GALNT13: variants seen among roughly 807,000 people sequenced by gnomAD.
GALNT13 encodes UDP-GalNAc:polypeptide N-acetylgalactosaminyltransferase 13.
GALNT13 carries 28 observed loss-of-function variants against 64.2 expected under a neutral mutation model. That is an observed-to-expected ratio of 0.44 (90% CI 0.32 to 0.60). The LOEUF (loss-of-function observed/expected upper bound fraction) is 0.60, where lower values mean the gene tolerates loss of function less well. GALNT13 is among the 20% of genes least tolerant of loss of function. The probability of loss-of-function intolerance (pLI) is 0.05; values close to 1 mark genes in which losing one functional copy is unlikely to be tolerated. For missense variants in GALNT13, 577 were observed against 669.8 expected, an observed-to-expected ratio of 0.86 and a Z score of 1.53; for synonymous variants, 214 against 224.6, an observed-to-expected ratio of 0.95 and a Z score of 0.42.
At chr2:153,589,784 G>A in the GALNT13 span, among the ~76,000 whole-genome samples, 5 of 152,100 alleles carry the variant, frequency 3.3e-5, no homozygotes, top group African/African-American at 9.7e-5. Flanking sequence ...AGAACAGCAC[G>A]GGAAAGATTT....
chr2:154,112,694 C>T (rs1703055456), intron 3 of GALNT13, among the ~76,000 whole-genome samples: 1 of 152,228 alleles, frequency 6.6e-6, no homozygotes, highest in Non-Finnish European at 1.5e-5. Context: ...GAAGATTTCC[C>T]TTCACCACTG....
intron 3 of GALNT13, among the ~76,000 whole-genome samples, chr2:153,983,809 C>T (rs768960706): frequency 6.6e-6 from 1 of 151,866 alleles, no homozygotes; most frequent in South Asian, 2.1e-4. Flanking sequence ...TCATTCTGTG[C>T]CCTTTGTATT....
chr2:153,582,112 C>A, the GALNT13 span, among the ~76,000 whole-genome samples: 2 of 152,036 alleles, frequency 1.3e-5, no homozygotes, highest in African/African-American at 4.8e-5. Context: ...TGAATATCCG[C>A]AAAAATGCTT....
At chr2:153,176,314 G>A in the GALNT13 span, among the ~76,000 whole-genome samples, 30 of 152,072 alleles carry the variant, frequency 2.0e-4, no homozygotes, top group Admixed American at 1.5e-3. Flanking sequence ...TCCAATGTAC[G>A]TATATACACA....
chr2:153,623,693 T>C, the GALNT13 span, among the ~76,000 whole-genome samples: 1 of 151,994 alleles, frequency 6.6e-6, no homozygotes, highest in Non-Finnish European at 1.5e-5. Context: ...TTCAGTTTAT[T>C]TAAAATTTTT....
chr2:153,345,854 G>A, the GALNT13 span, among the ~76,000 whole-genome samples: 3 of 150,860 alleles, frequency 2.0e-5, no homozygotes, highest in African/African-American at 7.3e-5. Flanking sequence ...GGAGTGCAGC[G>A]GCACAATCAC....
At chr2:154,411,671 G>A (rs749772514) in intron 11 of GALNT13, among the ~76,000 whole-genome samples, 3 of 151,660 alleles carry the variant, frequency 2.0e-5, no homozygotes, top group Non-Finnish European at 3.0e-5. Context: ...GATTGTATCT[G>A]GCGAGTGGAT....
At chr2:154,357,878 T>A (rs1314775966) in intron 9 of GALNT13, among the ~76,000 whole-genome samples, 2 of 152,056 alleles carry the variant, frequency 1.3e-5, no homozygotes, top group Non-Finnish European at 2.9e-5. Context: ...GCCTACTAAT[T>A]AAATGACTAA....
At chr2:153,238,586 CTG>C in the GALNT13 span, among the ~76,000 whole-genome samples, 3 of 139,780 alleles carry the variant, frequency 2.1e-5, no homozygotes, top group Admixed American at 7.2e-5. Context: ...ATTGAAGAGA[CTG>C]TCTTTTCCCC....
At chr2:153,517,278 C>T in the GALNT13 span, among the ~76,000 whole-genome samples, 2 of 152,152 alleles carry the variant, frequency 1.3e-5, no homozygotes, top group African/African-American at 4.8e-5. Context: ...GTGGCTTCTT[C>T]AGGAATTCAG....
chr2:154,380,743 G>A (rs1698227293), intron 9 of GALNT13, among the ~76,000 whole-genome samples: 1 of 152,042 alleles, frequency 6.6e-6, no homozygotes, highest in African/African-American at 2.4e-5. Context: ...TCTAGGGATG[G>A]CCTAGCTGGG....
chr2:153,161,558 A>C, the GALNT13 span, among the ~76,000 whole-genome samples: 1 of 152,122 alleles, frequency 6.6e-6, no homozygotes, highest in South Asian at 2.1e-4. Flanking sequence ...GTAAGAGTTC[A>C]GCCAGACTTA....
chr2:154,423,739 G>A (rs1164273775), intron 11 of GALNT13, among the ~76,000 whole-genome samples: 1 of 152,100 alleles, frequency 6.6e-6, no homozygotes, highest in Non-Finnish European at 1.5e-5. Context: ...ACTCCAGGAG[G>A]TATAACATAA....
intron 1 of GALNT13, among the ~76,000 whole-genome samples, chr2:153,873,516 G>C (rs2348538): frequency 0.43 from 65,221 of 151,988 alleles, 15,128 homozygotes; most frequent in Admixed American, 0.59. Context: ...ATGCTTTGGG[G>C]TTCAGGGAAA....
At chr2:153,368,171 A>C in the GALNT13 span, among the ~76,000 whole-genome samples, 1 of 152,116 alleles carries the variant, frequency 6.6e-6, no homozygotes, top group Admixed American at 6.6e-5. Context: ...TGTCCTAGTA[A>C]AACTAATTTG....
chr2:153,247,848 C>T, the GALNT13 span, among the ~76,000 whole-genome samples: 2 of 151,932 alleles, frequency 1.3e-5, no homozygotes, highest in African/African-American at 4.8e-5. Flanking sequence ...AGAGAAGAAT[C>T]GAATAGAGAC....
chr2:154,158,051 G>A (rs766265992), intron 4 of GALNT13, among the ~76,000 whole-genome samples: 4 of 152,218 alleles, frequency 2.6e-5, no homozygotes, highest in South Asian at 4.1e-4. Context: ...AGTCATTCCC[G>A]TGGTAATTTC....
chr2:153,853,692 C>A, the GALNT13 span, among the ~76,000 whole-genome samples: 1 of 150,390 alleles, frequency 6.6e-6, no homozygotes, highest in Non-Finnish European at 1.5e-5. Flanking sequence ...TATAATTATA[C>A]AATTGCATAA....
the GALNT13 span, among the ~76,000 whole-genome samples, chr2:153,813,024 T>C: frequency 2.0e-5 from 3 of 152,350 alleles, no homozygotes; most frequent in East Asian, 5.8e-4. Flanking sequence ...CTTTATCTTT[T>C]CTTTTTATCT....
Sources: allele counts gnomAD v4.1 joint callset (sites outside exome capture counted in the v4.1 genomes callset), GRCh38; gene constraint gnomAD v4.1.1; transcripts MANE v1.5; gene names NCBI Gene and HGNC (gene_info 2026-07-23, HGNC 2026-07-21).